The following HEMK2 variants were observed in gnomAD, a reference collection of about 807,000 sequenced individuals.
The protein encoded by HEMK2 is HemK methyltransferase 2, ETF1 glutamine and histone H4 lysine, also known as methyltransferase HEMK2.
chr21:28,703,318 A>C, the HEMK2 span, among the ~76,000 whole-genome samples: 1 of 100,522 alleles, frequency 9.9e-6, no homozygotes, highest in South Asian at 2.7e-4. Flanking sequence ...CTAAAATAAA[A>C]GTTAAAAAAA....
chr21:28,753,063 G>A, the HEMK2 span, among the ~76,000 whole-genome samples: 1 of 152,188 alleles, frequency 6.6e-6, no homozygotes, highest in Non-Finnish European at 1.5e-5. Context: ...TTGGTGCGAT[G>A]GCTCTTAAGC....
chr21:28,874,108 G>A, the HEMK2 span: 1 of 152,188 alleles, frequency 6.6e-6, no homozygotes, highest in Non-Finnish European at 1.5e-5. Flanking sequence ...TCTTCAAAAT[G>A]CCATTCCACT....
chr21:28,586,780 G>C, the HEMK2 span, among the ~76,000 whole-genome samples: 1 of 152,168 alleles, frequency 6.6e-6, no homozygotes, highest in Admixed American at 6.5e-5. Flanking sequence ...TCCATGCCTG[G>C]TGAGAGCCCA....
chr21:28,616,691 AG>A, the HEMK2 span, among the ~76,000 whole-genome samples: 1 of 152,146 alleles, frequency 6.6e-6, no homozygotes, highest in Admixed American at 6.5e-5. Context: ...TCTATTTCCT[AG>A]TCATTTAAAT....
At chr21:28,746,268 A>C in the HEMK2 span, among the ~76,000 whole-genome samples, 4 of 152,164 alleles carry the variant, frequency 2.6e-5, no homozygotes, top group African/African-American at 9.7e-5. Flanking sequence ...ATCACTGTAA[A>C]TATGTTTACA....
chr21:28,610,204 AT>A, the HEMK2 span, among the ~76,000 whole-genome samples: 1 of 152,242 alleles, frequency 6.6e-6, no homozygotes, highest in Non-Finnish European at 1.5e-5. Context: ...TTAACAGCAG[AT>A]TTCACAGCAG....
chr21:28,818,528 T>C, the HEMK2 span, among the ~76,000 whole-genome samples: 2 of 152,200 alleles, frequency 1.3e-5, no homozygotes, highest in African/African-American at 4.8e-5. Context: ...GAGCAATGTC[T>C]AGACAGAGCC....
chr21:28,791,615 T>C, the HEMK2 span, among the ~76,000 whole-genome samples: 1 of 152,190 alleles, frequency 6.6e-6, no homozygotes, highest in Non-Finnish European at 1.5e-5. Context: ...TTAAGAAATC[T>C]CTACTAGCAT....
the HEMK2 span, among the ~76,000 whole-genome samples, chr21:28,787,624 T>C: frequency 3.9e-5 from 6 of 152,296 alleles, no homozygotes; most frequent in East Asian, 9.6e-4. Context: ...ACGTTACTAA[T>C]GATCATGGAA....
At chr21:28,676,603 T>G in the HEMK2 span, among the ~76,000 whole-genome samples, 184 of 152,228 alleles carry the variant, frequency 1.2e-3, 1 homozygote, top group Non-Finnish European at 1.9e-3. Context: ...GGGAGGAGCA[T>G]GCACTGGGGT....
At chr21:28,683,155 A>G in the HEMK2 span, among the ~76,000 whole-genome samples, 4 of 151,656 alleles carry the variant, frequency 2.6e-5, no homozygotes, top group Non-Finnish European at 4.4e-5. Flanking sequence ...AAGGGGATTT[A>G]TTTCAGAAAC....
At chr21:28,790,668 T>C in the HEMK2 span, among the ~76,000 whole-genome samples, 1 of 151,966 alleles carries the variant, frequency 6.6e-6, no homozygotes, top group Non-Finnish European at 1.5e-5. Context: ...CCTCTAACTT[T>C]AGGAAAAAAT....
At chr21:28,757,892 T>C in the HEMK2 span, among the ~76,000 whole-genome samples, 1 of 152,210 alleles carries the variant, frequency 6.6e-6, no homozygotes, top group African/African-American at 2.4e-5. Context: ...ATACAGCAGA[T>C]AAGGCTATGC....
the HEMK2 span, among the ~76,000 whole-genome samples, chr21:28,773,925 T>C: frequency 1.2e-4 from 19 of 152,158 alleles, no homozygotes; most frequent in African/African-American, 4.3e-4. Flanking sequence ...CAAGTCTTTC[T>C]GAAGCTGTGA....
chr21:28,674,758 G>C, the HEMK2 span: 2 of 151,296 alleles, frequency 1.3e-5, no homozygotes, highest in African/African-American at 2.4e-5. Flanking sequence ...CTGGAAACTG[G>C]GAAGTCCCAG....
the HEMK2 span, among the ~76,000 whole-genome samples, chr21:28,656,968 C>A: frequency 4.6e-5 from 7 of 152,050 alleles, no homozygotes; most frequent in African/African-American, 1.2e-4. Flanking sequence ...TGTGACAATT[C>A]TGTTTCATAG....
At chr21:28,866,173 A>C in the HEMK2 span, among the ~76,000 whole-genome samples, 102 of 122,954 alleles carry the variant, frequency 8.3e-4, 4 homozygotes, top group South Asian at 2.5e-3. Flanking sequence ...AACAAAAAAA[A>C]AAACACACAC....
the HEMK2 span, chr21:28,882,354 AG>A: frequency 1.2e-6 from 1 of 800,602 alleles, no homozygotes; most frequent in East Asian, 2.9e-5. Context: ...GAACAGATTT[AG>A]AAAAAAAAAA....
chr21:28,880,075 G>A, the HEMK2 span: 1 of 543,328 alleles, frequency 1.8e-6, no homozygotes, highest in Non-Finnish European at 3.2e-6. Context: ...GGCTACGCTT[G>A]TAGACAGAAA....
Sources: allele counts gnomAD v4.1 joint callset (sites outside exome capture counted in the v4.1 genomes callset), GRCh38; gene constraint gnomAD v4.1.1; transcripts MANE v1.5; gene names NCBI Gene and HGNC (gene_info 2026-07-23, HGNC 2026-07-21).